CFAP46: variants seen among roughly 807,000 people sequenced by gnomAD.
CFAP46 encodes cilia and flagella associated protein 46, also known as cilia- and flagella-associated protein 46.
CFAP46 carries 245 observed loss-of-function variants against 325.7 expected under a neutral mutation model. That is an observed-to-expected ratio of 0.75 (90% CI 0.68 to 0.84). The LOEUF is 0.84. Among genes scored for constraint, CFAP46 ranks in the 40% least tolerant of loss-of-function variants. The probability of loss-of-function intolerance (pLI) is 0.00; values close to 1 mark genes in which losing one functional copy is unlikely to be tolerated. For synonymous variants in CFAP46, 1,523 were observed against 1,495.9 expected (o/e 1.02, Z -0.42); for missense variants, 3,346 against 3,543.0 (o/e 0.94, Z 1.41).
At position 132,910,026 on chromosome 10, in the gene CFAP46, C is replaced by T. The variant is rs1564797458; in HGVS notation, c.2542G>A (p.Glu848Lys). The change falls in exon 20 of 58, where the codon GAG becomes AAG. Residue 848 changes from glutamate to lysine, a missense_variant. By Grantham distance (56) the Glu-to-Lys change is moderately conservative. Transcript: ENST00000368586. ...CGGGTGCCGGTGGGCACCGTCTCCT[C>T]GGGCGCACTCCCATTGGTCAGGTTC... ...ALNLTNGSAP[E>K]ETVPTGTRQQ... The T allele has an allele frequency of 7.2e-6, 11 of 1,537,234 alleles. No individual in the cohort carries two copies. Among genetic ancestry groups the T allele is most frequent in the African/African-American group, 1.4e-5 (1 of 72,178 alleles).
In CFAP46 at chr10:132,836,205, C is replaced by G; in HGVS notation, c.6550G>C (p.Gly2184Arg). ...HLSGDRSRLY[G>R]AAYEKPKFIT... ...AACTTGGGTTTCTCGTAGGCAGCGC[C>G]GTACAGACGGGACCTGCTGGCAGGA... The change falls in exon 46 of 58, where the codon GGC becomes CGC. Residue 2184 changes from glycine (G) to arginine (R), a missense_variant. Coordinates refer to ENST00000368586, the MANE Select transcript of CFAP46 (RefSeq NM_001200049.3). 6.2e-7 allele frequency: 1 copy of G among 1,611,470 alleles called. No individual in the cohort carries two copies. Among genetic ancestry groups the G allele is most frequent in the Non-Finnish European group, 8.5e-7 (1 of 1,179,650 alleles).
chr10:132,867,473 T>C lies in CFAP46; in HGVS notation c.4645A>G (p.Asn1549Asp). The change falls in exon 34 of 58, where the codon AAT (asparagine) becomes GAT (aspartate). Residue 1549 changes from asparagine (N) to aspartate (D), a missense_variant. Transcript: ENST00000368586. The part of the protein sequence containing the change: ...RKEIALKKEK[N>D]KEPLLEESLP... ...CTTTCTTCTAATAAAGGCTCCTTAT[T>C]TTTCTCTTTTTTCAACGCGATCTCT... 1 of 1,550,366 alleles carries C rather than the reference T, an allele frequency of 6.5e-7. No individual in the cohort carries two copies.
intron 35 of CFAP46, among the ~76,000 whole-genome samples, chr10:132,864,876 C>CAG (rs778808178): frequency 7.9e-6 from 1 of 126,266 alleles, no homozygotes; most frequent in Non-Finnish European, 1.8e-5. Context: ...ACCTGTCCCC[C>CAG]TGCCTGAGAC....
intron 44 of CFAP46, among the ~76,000 whole-genome samples, chr10:132,839,916 T>A (rs4880438): frequency 0.69 from 105,191 of 152,164 alleles, 37,566 homozygotes; most frequent in African/African-American, 0.87. Context: ...TTTTTGTGTA[T>A]TAGTGATGAG....
At chr10:132,849,958 C>CCGGCTGCGTGCTGGGGT (rs1848508535) in intron 41 of CFAP46, among the ~76,000 whole-genome samples, 1 of 152,184 alleles carries the variant, frequency 6.6e-6, no homozygotes, top group South Asian at 2.1e-4. Flanking sequence ...TTGATTGGGG[C>CCGGCTGCGTGCTGGGGT]GGGCCGCGTG....
In CFAP46 at chr10:132,847,117, G is replaced by C. The variant is rs1469655205; in HGVS notation, c.6088-6C>G. The C allele has an allele frequency of 6.2e-7, 1 of 1,609,278 alleles. No individual in the cohort carries two copies. The highest frequency in any genetic ancestry group is 8.5e-7 in the Non-Finnish European group (1 of 1,178,296). ...TGGGCCAGAACCATCCTCCTCTGTG[G>C]GGCACAAGGCTCAGGCTCAGGCCAG... On this transcript the variant is annotated splice_region_variant and splice_polypyrimidine_tract_variant and intron_variant, in intron 42 of 57. Coordinates refer to ENST00000368586, the MANE Select transcript of CFAP46 (RefSeq NM_001200049.3). The surrounding 1 kb of genome is among the most constrained non-coding windows in gnomAD (Gnocchi z 5.2).
At chr10:132,921,547 A>C (rs766550240) in intron 13 of CFAP46, among the ~76,000 whole-genome samples, 5 of 152,148 alleles carry the variant, frequency 3.3e-5, no homozygotes, top group Admixed American at 1.3e-4. Flanking sequence ...CCTGTGCCTC[A>C]GGCAGTGGCT....
chr10:132,842,279 CAA>C (rs1053294774), intron 44 of CFAP46, among the ~76,000 whole-genome samples: 62 of 152,194 alleles, frequency 4.1e-4, no homozygotes, highest in Admixed American at 3.5e-3. Flanking sequence ...ACAGTTCAGC[CAA>C]AGTCTTTGCT....
At chr10:132,821,974 ATGTGTGCTGTGTGTGCGCTTG>A (rs1414845397) in intron 50 of CFAP46, among the ~76,000 whole-genome samples, 4 of 88,420 alleles carry the variant, frequency 4.5e-5, no homozygotes, top group South Asian at 4.0e-4. Context: ...GTGTGCGCTG[ATGTGTGCTGTGTGTGCGCTTG>A]TGTGTGCTGT....
In CFAP46 at chr10:132,817,238, C is replaced by A. The variant is rs1191526835; in HGVS notation, c.7118-2324G>T. Among the ~76,000 whole-genome samples the A allele has an allele frequency of 6.6e-6, 1 of 152,170 alleles. No individual in the cohort carries two copies. Among genetic ancestry groups the A allele is most frequent in the Non-Finnish European group, 1.5e-5 (1 of 68,040 alleles). On this transcript the variant is annotated intron_variant, in intron 50 of 57. Transcript: ENST00000368586. This position sits in a 1 kb window ranked among gnomAD's most constrained non-coding sequence, Gnocchi z 4.4. ...CATGATGTCCATGTCCCTAATAATG[C>A]CTGGCTCTAAAGTCTGTTTCCTCTG...
chr10:132,880,375 C>G (rs1379702314), intron 28 of CFAP46, among the ~76,000 whole-genome samples: 2 of 152,184 alleles, frequency 1.3e-5, no homozygotes, highest in Non-Finnish European at 2.9e-5. Context: ...CTGCTGTGAG[C>G]AGGGGCTGGG....
At chr10:132,908,283 C>T (rs535574253) in intron 22 of CFAP46, 185 bp downstream of exon 22, 4 of 670,974 alleles carry the variant, frequency 6.0e-6, no homozygotes, top group Admixed American at 3.0e-5. Flanking sequence ...GCTCCCTGCC[C>T]GTTTTGGGGA....
intron 13 of CFAP46, among the ~76,000 whole-genome samples, chr10:132,921,016 C>T (rs1277756718): frequency 1.3e-5 from 2 of 152,238 alleles, no homozygotes; most frequent in Non-Finnish European, 2.9e-5. Context: ...CATCTGAGGG[C>T]GGTGGATGAC....
At position 132,878,961 on chromosome 10, in the gene CFAP46, G is replaced by C. The variant is rs190056889; in HGVS notation, c.4005+465C>G. ...GTGGTAGGAGGAGCAGGACAAGGAG[G>C]GGGGTGGGAGTGGGAAGAAGGCTCT... On this transcript the variant is annotated intron_variant, in intron 29 of 57. Coordinates refer to ENST00000368586, the MANE Select transcript of CFAP46 (RefSeq NM_001200049.3). Among the ~76,000 whole-genome samples, 14 of 152,296 alleles carry C rather than the reference G, an allele frequency of 9.2e-5. No homozygotes were observed. In the East Asian group the frequency reaches 1.7e-3, roughly 19 times the overall value.
rs891051426 is a variant in CFAP46 at position 132,920,330 on chromosome 10, C to A, written c.1607-148G>T. 4 of 1,036,178 alleles carry A rather than the reference C, an allele frequency of 3.9e-6. No individual in the cohort carries two copies. In the African/African-American group the frequency reaches 6.5e-5, roughly 17 times the overall value. 64.2% of individuals were successfully genotyped at this position (1,036,178 alleles called of 1,614,324 possible). On this transcript the variant is annotated intron_variant, in intron 13 of 57. Transcript: ENST00000368586. ...GCCCTAGATCCCCGGCTCCCAGAAG[C>A]CGAGCTCCTCACAGAGCTGCAGAGT...
chr10:132,835,606 A>G (rs1298314251), intron 46 of CFAP46, among the ~76,000 whole-genome samples, 172 bp from the exon 47 acceptor site: 1 of 152,074 alleles, frequency 6.6e-6, no homozygotes, highest in Non-Finnish European at 1.5e-5. Flanking sequence ...AGACGCTGCC[A>G]CATCATTGCG....
Position 132,834,740 on chromosome 10 carries a change from G to A in CFAP46, c.6780C>T (p.Arg2260=), listed in dbSNP as rs774115986. 17 of 1,612,894 alleles carry A rather than the reference G, an allele frequency of 1.1e-5. No individual in the cohort carries two copies. Among genetic ancestry groups the A allele is most frequent in the Admixed American group, 1.7e-5 (1 of 59,964 alleles). ...PEGLQVEEKE[R]PVQRLSSVLG... is the part of the protein sequence containing the mutation. ...GGACGCTACTGAGCCTCTGCACAGG[G>A]CGCTCCTTCTCTTCCACCTGCAGGC... Residue 2260 remains arginine (R), a synonymous_variant, in exon 48 of 58, where the codon CGC becomes CGT. Transcript: ENST00000368586.
At chr10:132,851,394 G>A (rs1053842282) in intron 39 of CFAP46, 89 bp from the exon 40 acceptor site, 31 of 1,276,870 alleles carry the variant, frequency 2.4e-5, no homozygotes, top group African/African-American at 1.9e-4. Flanking sequence ...CATAACCGAC[G>A]TAAGAAACTC....
At chr10:132,850,607 C>T (rs942474046) in intron 40 of CFAP46, among the ~76,000 whole-genome samples, 175 bp from the exon 41 acceptor site, 4 of 152,196 alleles carry the variant, frequency 2.6e-5, no homozygotes, top group African/African-American at 9.6e-5. Context: ...GGGTCACAGA[C>T]GTCTGCTCAT....
Sources: allele counts gnomAD v4.1 joint callset (sites outside exome capture counted in the v4.1 genomes callset), GRCh38; gene constraint gnomAD v4.1.1; non-coding constraint Gnocchi (gnomAD v3.1); transcripts MANE v1.5; gene names NCBI Gene and HGNC (gene_info 2026-07-23, HGNC 2026-07-21).